The following CCDC93 variants were observed in gnomAD, a reference collection of about 807,000 sequenced individuals.
The protein encoded by CCDC93 is coiled-coil domain-containing protein 93.
A neutral mutation model predicts 108.2 loss-of-function variants in CCDC93; 61 were observed. The ratio of observed to expected loss-of-function variants is 0.56; its 90% CI spans 0.46 to 0.70. The LOEUF is 0.70. Ranked by LOEUF, CCDC93 falls within the 30% of genes least tolerant of loss-of-function variation. The pLI is 0.00. For missense variants in CCDC93, 685 were observed against 764.2 expected (o/e 0.90, Z 1.22); for synonymous variants, 276 against 260.4 (o/e 1.06, Z -0.58).
intron 1 of CCDC93, among the ~76,000 whole-genome samples, chr2:118,010,103 G>C (rs899781904): frequency 1.1e-5 from 1 of 88,564 alleles, no homozygotes; most frequent in Non-Finnish European, 2.6e-5. Context: ...CACCACGCCC[G>C]TTTTTTTGTT....
intron 5 of CCDC93, 90 bp downstream of exon 5, chr2:117,996,174 G>A (rs977598885): frequency 3.2e-5 from 25 of 789,250 alleles, no homozygotes; most frequent in Admixed American, 1.3e-4. Context: ...ATGTAGGGGA[G>A]CCTGAGCTTA....
In CCDC93 at chr2:118,000,936, T is replaced by TAC; in HGVS notation, c.252-5_252-4insGT. ...GACAATTTTTTCTGACAGAGCTCTGTTCAGAAAAAGTAACAAGCAAAGAGT... is the reference window on the plus strand; with the variant it reads ...GACAATTTTTTCTGACAGAGCTCTGTACTCAGAAAAAGTAACAAGCAAAGAGT... On this transcript the variant is annotated splice_polypyrimidine_tract_variant and splice_region_variant and intron_variant, in intron 3 of 23. Coordinates refer to ENST00000376300, the MANE Select transcript of CCDC93 (RefSeq NM_019044.5). 1 of 1,585,378 alleles carries TAC rather than the reference T, an allele frequency of 6.3e-7. No homozygotes were observed.
chr2:117,927,651 G>A lies in CCDC93; in HGVS notation c.1842+3386C>T, dbSNP rs192171202. Among the ~76,000 whole-genome samples the A allele has an allele frequency of 3.6e-3, 543 of 152,214 alleles. 5 individuals are homozygous for A. Among genetic ancestry groups the A allele is most frequent in the African/African-American group, 0.013 (524 of 41,540 alleles). ...AAGAACATTCCATTCTTATGGGTAG[G>A]AAGAATCAATATCGTGAAAATGGCC... is the stretch of plus-strand genomic sequence containing the variant. On this transcript the variant is annotated intron_variant, in intron 23 of 23. Coordinates refer to ENST00000376300, the MANE Select transcript of CCDC93 (RefSeq NM_019044.5).
chr2:117,996,420 G>T, intron 4 of CCDC93, 58 bp from the exon 5 acceptor site: 2 of 1,192,800 alleles, frequency 1.7e-6, no homozygotes, highest in South Asian at 1.2e-5. Flanking sequence ...CTGAAGTGAA[G>T]GCCAGTTCAG....
Position 117,917,046 on chromosome 2 carries a change from T to G in CCDC93, c.*3297A>C, listed in dbSNP as rs562854101. On this transcript the variant is annotated 3_prime_UTR_variant, in exon 24 of 24. Transcript: ENST00000376300. ...ATAAAGTGCTTCCTTAAAGTGTTCT[T>G]CCTCAATGCATGTTTCAACATCTGC... is the stretch of plus-strand genomic sequence containing the variant. The G allele has an allele frequency of 6.6e-6, 1 of 152,372 alleles. No individual in the cohort carries two copies. The allele number at this position is 152,372 out of a possible 1,614,324, so 9.4% of individuals were successfully genotyped here.
At chr2:117,928,464 C>G (rs2104708932) in intron 23 of CCDC93, among the ~76,000 whole-genome samples, 1 of 152,300 alleles carries the variant, frequency 6.6e-6, no homozygotes, top group South Asian at 2.1e-4. Context: ...TGAACAGACA[C>G]TTCTCAAAAG....
rs909246705 is a variant in CCDC93, at chr2:117,919,677, AT to A, written c.*665del. 2 of 150,884 alleles carry A rather than the reference AT, an allele frequency of 1.3e-5. No individual in the cohort carries two copies. Among genetic ancestry groups the A allele is most frequent in the Non-Finnish European group, 3.0e-5 (2 of 67,606 alleles). The allele number at this position is 150,884 out of a possible 1,614,324, so 9.3% of individuals were successfully genotyped here. ...TCTGAGAAATCAACTTGAGTAACGT[AT>A]AAAAATTAAAACAACACTGAACTTT... is the stretch of plus-strand genomic sequence containing the variant. On this transcript the variant is annotated 3_prime_UTR_variant, in exon 24 of 24. Transcript: ENST00000376300.
rs772434663 is a variant in CCDC93, at chr2:117,973,991, G to A, written c.805C>T (p.Arg269Cys). 1.4e-5 allele frequency: 23 copies of A among 1,604,786 alleles called. No individual in the cohort carries two copies. Among genetic ancestry groups the A allele is most frequent in the East Asian group, 4.5e-5 (2 of 44,686 alleles). ...KMTAMANEES[R>C]LTASSVGQIV... ...TGGCCCACGGAGCTTGCGGTGAGACGGCTCTGCAAGTATATGGAGGGAATG... is the reference window on the plus strand; with the variant it reads ...TGGCCCACGGAGCTTGCGGTGAGACAGCTCTGCAAGTATATGGAGGGAATG... Residue 269 changes from arginine (R) to cysteine (C), a missense_variant, in exon 11 of 24, where the codon CGT becomes TGT. By Grantham distance (180) the Arg-to-Cys change is radical (BLOSUM62 -3). Transcript: ENST00000376300.
intron 23 of CCDC93, among the ~76,000 whole-genome samples, chr2:117,929,488 T>G (rs929134409): frequency 1.3e-5 from 2 of 152,172 alleles, no homozygotes; most frequent in Non-Finnish European, 2.9e-5. Flanking sequence ...CATCCTAAGC[T>G]CTCATCTGAG....
intron 13 of CCDC93, chr2:117,951,794 G>T: frequency 3.4e-6 from 2 of 596,338 alleles, no homozygotes; most frequent in Non-Finnish European, 4.3e-6. Flanking sequence ...TGGGAAGTGA[G>T]CAGCGACAAT....
At chr2:117,949,841 T>C (rs555745351) in intron 13 of CCDC93, 1 of 985,288 alleles carries the variant, frequency 1.0e-6, no homozygotes, top group South Asian at 4.7e-5. Context: ...GAGTTTAACC[T>C]CACAGGCCAA....
chr2:117,946,058 G>A (rs1341997971), intron 16 of CCDC93, among the ~76,000 whole-genome samples: 1 of 152,168 alleles, frequency 6.6e-6, no homozygotes, highest in Non-Finnish European at 1.5e-5. Context: ...GAGTTGTATG[G>A]CTCGGGTGAA....
intron 11 of CCDC93, among the ~76,000 whole-genome samples, chr2:117,961,357 A>C (rs1286849977): frequency 6.6e-6 from 1 of 152,200 alleles, no homozygotes. Flanking sequence ...AATAATTCTT[A>C]GTCCTGTGTG....
At chr2:117,924,276 A>G (rs940864648) in intron 23 of CCDC93, among the ~76,000 whole-genome samples, 1 of 152,256 alleles carries the variant, frequency 6.6e-6, no homozygotes, top group Admixed American at 6.5e-5. Context: ...AAAGCTGGAC[A>G]GAGAATGACT....
chr2:117,987,034 TAAAAAA>T (rs34625797), intron 6 of CCDC93, among the ~76,000 whole-genome samples: 1 of 127,744 alleles, frequency 7.8e-6, no homozygotes, highest in African/African-American at 3.0e-5. Context: ...ATTCTTCTAT[TAAAAAA>T]AAAAAAAAAA....
At chr2:117,983,650 A>T (rs1474360939) in intron 7 of CCDC93, among the ~76,000 whole-genome samples, 7 of 3,744 alleles carry the variant, frequency 1.9e-3, no homozygotes, top group Non-Finnish European at 5.7e-3. Flanking sequence ...ATATATATAT[A>T]TATATATATA....
At chr2:117,995,318 C>T (rs1680609735) in intron 6 of CCDC93, 128 bp downstream of exon 6, 1 of 757,260 alleles carries the variant, frequency 1.3e-6, no homozygotes, top group Non-Finnish European at 2.3e-6. Flanking sequence ...CCTCACACAG[C>T]CATCTGAGTC....
intron 23 of CCDC93, among the ~76,000 whole-genome samples, chr2:117,921,207 C>T (rs1286006792): frequency 6.6e-6 from 1 of 151,814 alleles, no homozygotes; most frequent in Non-Finnish European, 1.5e-5. Context: ...ATAACCTGCC[C>T]TTCCTTAAAA....
chr2:118,000,504 T>A (rs1225943732), intron 4 of CCDC93, among the ~76,000 whole-genome samples: 4 of 151,956 alleles, frequency 2.6e-5, no homozygotes, highest in Non-Finnish European at 5.9e-5. Context: ...AAGCAAGGAA[T>A]GAAATCAAGC....
Sources: allele counts gnomAD v4.1 joint callset (sites outside exome capture counted in the v4.1 genomes callset), GRCh38; gene constraint gnomAD v4.1.1; transcripts MANE v1.5; gene names NCBI Gene and HGNC (gene_info 2026-07-23, HGNC 2026-07-21).